The following MACO1 variants were observed in gnomAD, a reference collection of about 807,000 sequenced individuals.
The protein encoded by MACO1 is macoilin 1, also known as macoilin.
In MACO1, 14 loss-of-function variants were observed where a neutral mutation model predicts 78.7. The observed-to-expected ratio is 0.18, with a 90% confidence interval of 0.12 to 0.28. MACO1 has a LOEUF of 0.28. Ranked by LOEUF, MACO1 falls within the 10% of genes least tolerant of loss-of-function variation. MACO1 has a pLI of 1.00. For missense variants in MACO1, 501 were observed against 799.0 expected, an observed-to-expected ratio of 0.63 and a Z score of 4.50; for synonymous variants, 288 against 291.6, an observed-to-expected ratio of 0.99 and a Z score of 0.12.
intron 6 of MACO1, among the ~76,000 whole-genome samples, chr1:25,472,866 A>T (rs1171088841): frequency 6.6e-6 from 1 of 152,236 alleles, no homozygotes; most frequent in African/African-American, 2.4e-5. Flanking sequence ...GAACAGCATT[A>T]TTCTAGCTGA....
At chr1:25,484,478 TTATTAA>T (rs2043410958) in intron 7 of MACO1, among the ~76,000 whole-genome samples, 1 of 152,376 alleles carries the variant, frequency 6.6e-6, no homozygotes, top group Admixed American at 6.5e-5. Context: ...ACAAAACAGT[TTATTAA>T]TATTACTGTT....
Position 25,485,790 on chromosome 1 carries a change from A to G in MACO1, c.1491A>G (p.Ala497=), listed in dbSNP as rs2043425153. The change falls in exon 8 of 11, where the codon GCA becomes GCG. Residue 497 remains alanine, a synonymous_variant. Coordinates refer to ENST00000374343, the MANE Select transcript of MACO1 (RefSeq NM_018202.6). This position sits in a 1 kb window ranked among gnomAD's most constrained non-coding sequence, Gnocchi z 4.3. ...TAARAVAFAA[A]SRGECTETLR... ...CCCGGGCTGTTGCGTTTGCTGCTGC[A>G]TCTAGGTATGTCCATGTCACCTGAG... is the stretch of plus-strand genomic sequence containing the variant. 6.2e-7 allele frequency: 1 copy of G among 1,612,430 alleles called. No homozygotes were observed. The highest frequency in any genetic ancestry group is 8.5e-7 in the Non-Finnish European group (1 of 1,179,386).
intron 1 of MACO1, among the ~76,000 whole-genome samples, chr1:25,445,132 TAA>T (rs11297651): frequency 0.073 from 8,228 of 112,230 alleles, 899 homozygotes; most frequent in African/African-American, 0.25. Flanking sequence ...CCATCTCTAT[TAA>T]AAAAAAAAAA....
At position 25,491,454 on chromosome 1, in the gene MACO1, A is replaced by G. The variant is rs1419022991; in HGVS notation, c.1662A>G (p.Leu554=). The G allele has an allele frequency of 1.9e-6, 3 of 1,614,252 alleles. No individual in the cohort carries two copies. The East Asian group carries it at 6.7e-5, about 36-fold the overall frequency. The change falls in exon 10 of 11, where the codon TTA becomes TTG. Residue 554 remains leucine (L), a synonymous_variant. Transcript: ENST00000374343. The part of the protein sequence containing the change: ...YKENEKDTEV[L]MSALSAMQDK... ...AAAATGAGAAGGACACTGAGGTGTTAATGTCAGCCCTCTCAGCCATGCAAG... is the reference window on the plus strand; with the variant it reads ...AAAATGAGAAGGACACTGAGGTGTTGATGTCAGCCCTCTCAGCCATGCAAG...
Position 25,491,538 on chromosome 1 carries a change from G to T in MACO1, c.1746G>T (p.Leu582=), listed in dbSNP as rs1180964247. The change falls in exon 10 of 11, where the codon CTG becomes CTT. Residue 582 remains leucine, a synonymous_variant. Coordinates refer to ENST00000374343, the MANE Select transcript of MACO1 (RefSeq NM_018202.6). ...LSAETRIKLD[L]FSALGDAKRQ... ...CAGAGACGAGAATCAAGCTGGACCT[G>T]TTCTCCGCACTGGGCGATGCAAAGC... is the stretch of plus-strand genomic sequence containing the variant. The T allele has an allele frequency of 1.9e-6, 3 of 1,614,246 alleles. No homozygotes were observed. Among genetic ancestry groups the T allele is most frequent in the Admixed American group, 3.3e-5 (2 of 60,028 alleles).
At chr1:25,445,750 T>C (rs1030425458) in intron 1 of MACO1, among the ~76,000 whole-genome samples, 4 of 152,212 alleles carry the variant, frequency 2.6e-5, no homozygotes, top group Admixed American at 6.5e-5. Flanking sequence ...ATATTTGTAT[T>C]ACAAAATACC....
At chr1:25,444,572 T>C (rs2042999466) in intron 1 of MACO1, among the ~76,000 whole-genome samples, 1 of 151,936 alleles carries the variant, frequency 6.6e-6, no homozygotes, top group Non-Finnish European at 1.5e-5. Flanking sequence ...CATGAGTCAG[T>C]TGTGTTTTTT....
chr1:25,447,345 A>G (rs911853275), intron 2 of MACO1, among the ~76,000 whole-genome samples: 3 of 152,172 alleles, frequency 2.0e-5, no homozygotes, highest in Non-Finnish European at 4.4e-5. Flanking sequence ...ACTCGTAAAA[A>G]CTATTGAGGA....
intron 1 of MACO1, among the ~76,000 whole-genome samples, chr1:25,431,938 G>T (rs1212851020): frequency 6.7e-6 from 1 of 149,124 alleles, no homozygotes; most frequent in Non-Finnish European, 1.5e-5. Context: ...TCATCCGCAA[G>T]AAAAGCAGTG....
At chr1:25,463,940 C>T (rs1375295634) in intron 6 of MACO1, among the ~76,000 whole-genome samples, 2 of 152,208 alleles carry the variant, frequency 1.3e-5, no homozygotes, top group Non-Finnish European at 2.9e-5. Context: ...GCCTAGCCTT[C>T]CCATTGTCAG....
chr1:25,448,681 G>C, intron 2 of MACO1, 127 bp from the exon 3 acceptor site: 4 of 828,042 alleles, frequency 4.8e-6, no homozygotes, highest in Non-Finnish European at 6.8e-6. Context: ...TTGTGAATTT[G>C]CTTTACAGTT....
At chr1:25,476,921 G>C (rs1479615463) in intron 6 of MACO1, among the ~76,000 whole-genome samples, 1 of 152,194 alleles carries the variant, frequency 6.6e-6, no homozygotes, top group Non-Finnish European at 1.5e-5. Context: ...GTTCCATTGT[G>C]AGCACTGAGG....
chr1:25,478,157 A>T (rs553203006), intron 6 of MACO1, among the ~76,000 whole-genome samples: 1 of 152,338 alleles, frequency 6.6e-6, no homozygotes, highest in African/African-American at 2.4e-5. Flanking sequence ...AGGCACAGGA[A>T]TCACTTGAGC....
intron 7 of MACO1, among the ~76,000 whole-genome samples, chr1:25,484,926 C>A (rs942158377): frequency 1.3e-5 from 2 of 152,128 alleles, no homozygotes; most frequent in Admixed American, 1.3e-4. Context: ...GCATTACAGG[C>A]AAATAACCTC....
chr1:25,434,195 A>G (rs1441961053), intron 1 of MACO1, among the ~76,000 whole-genome samples: 1 of 152,236 alleles, frequency 6.6e-6, no homozygotes, highest in African/African-American at 2.4e-5. Context: ...GAAACATGCT[A>G]TAGAAATATT....
At chr1:25,484,302 G>C in intron 7 of MACO1, 28 bp downstream of exon 7, 12 of 1,553,142 alleles carry the variant, frequency 7.7e-6, no homozygotes, top group Non-Finnish European at 1.0e-5. Context: ...GCCTTTGGCC[G>C]TAAGCCCGGC....
intron 6 of MACO1, among the ~76,000 whole-genome samples, chr1:25,470,723 A>C (rs1444407079): frequency 6.6e-6 from 1 of 152,152 alleles, no homozygotes; most frequent in East Asian, 1.9e-4. Flanking sequence ...GTATAGTATG[A>C]ATCCATGGAA....
intron 2 of MACO1, among the ~76,000 whole-genome samples, chr1:25,447,821 A>G (rs957826183): frequency 6.6e-6 from 1 of 152,222 alleles, no homozygotes; most frequent in African/African-American, 2.4e-5. Flanking sequence ...TGGAGCAAGC[A>G]TAGGCCTGGG....
chr1:25,446,664 A>C (rs1246049431), intron 1 of MACO1, 98 bp from the exon 2 acceptor site: 9 of 1,164,434 alleles, frequency 7.7e-6, no homozygotes, highest in African/African-American at 1.6e-5. Flanking sequence ...TGATATATGG[A>C]GGTATTTTTT....
Sources: gnomAD v4.1 joint callset for allele counts (sites outside exome capture counted in the v4.1 genomes callset) on GRCh38, gnomAD v4.1.1 for gene constraint, Gnocchi (gnomAD v3.1) non-coding constraint, MANE v1.5 for transcripts, NCBI Gene and HGNC (gene_info 2026-07-23, HGNC 2026-07-21) for gene names.